The following ANKRD42 variants were observed in gnomAD, a reference collection of about 807,000 sequenced individuals.
The protein encoded by ANKRD42 is ankyrin repeat domain-containing protein 42.
ANKRD42 carries 43 observed loss-of-function variants against 51.5 expected under a neutral mutation model. The observed-to-expected ratio is 0.83, with a 90% CI of 0.65 to 1.08. The LOEUF (loss-of-function observed/expected upper bound fraction) is 1.08. ANKRD42 is among the 50% of genes least tolerant of loss of function. The pLI is 0.00. For missense variants in ANKRD42, 608 were observed against 629.3 expected, an observed-to-expected ratio of 0.97 and a Z score of 0.36; for synonymous variants, 203 against 213.0, an observed-to-expected ratio of 0.95 and a Z score of 0.41.
At chr11:83,250,719 G>T (rs747521310), downstream of ANKRD42, among the ~76,000 whole-genome samples, 1 of 152,028 alleles carries the variant, frequency 6.6e-6, no homozygotes, top group Non-Finnish European at 1.5e-5. Flanking sequence ...ATCAAGACCA[G>T]ATTCTCTCCC....
chr11:83,224,947 G>A lies in ANKRD42; in HGVS notation c.679G>A (p.Asp227Asn). The A allele has an allele frequency of 6.2e-7, 1 of 1,613,604 alleles. No individual in the cohort carries two copies. The highest frequency in any genetic ancestry group is 8.5e-7 in the Non-Finnish European group (1 of 1,179,616). ...GACGCAAGTTTTAAAAGCTTTCAAT[G>A]ATAATGGAGAAAATGTACTGGATTT... is the stretch of plus-strand genomic sequence containing the variant. ...SATQVLKAFN[D>N]NGENVLDLAQ... Residue 227 changes from aspartate (D) to asparagine (N), a missense_variant, in exon 6 of 11, where the codon GAT becomes AAT. By Grantham distance (23) the Asp-to-Asn change is conservative. Transcript: ENST00000533342.
rs532088725 is a variant in ANKRD42 at position 83,230,117 on chromosome 11, T to A, written c.913+2245T>A. Among the ~76,000 whole-genome samples the A allele has an allele frequency of 5.3e-4, 80 of 152,318 alleles. 1 individual carries two copies. The Middle Eastern group carries it at 0.01, about 19-fold the overall frequency. ...CCCAGGCTTGAATGCAATGGGGCGA[T>A]CACGACTAACTGCAGCCTTGACCTC... is the stretch of plus-strand genomic sequence containing the variant. On this transcript the variant is annotated intron_variant, in intron 7 of 10. Transcript: ENST00000533342.
At chr11:83,206,513 T>C (rs1022253729) in intron 3 of ANKRD42, among the ~76,000 whole-genome samples, 4 of 152,182 alleles carry the variant, frequency 2.6e-5, no homozygotes, top group Non-Finnish European at 4.4e-5. Context: ...TGTTAAGAGG[T>C]GAGGCCTTTT....
chr11:83,259,124 G>A (rs187002576), downstream of ANKRD42: 11 of 152,264 alleles, frequency 7.2e-5, no homozygotes, highest in South Asian at 8.3e-4. Context: ...TTCCACAGGC[G>A]TTTAACAAGT....
chr11:83,237,458 C>A (rs1214337716), intron 8 of ANKRD42, among the ~76,000 whole-genome samples: 4 of 152,166 alleles, frequency 2.6e-5, no homozygotes, highest in Non-Finnish European at 5.9e-5. Context: ...AGTTGTAAGA[C>A]AACACCTTAT....
intron 10 of ANKRD42, among the ~76,000 whole-genome samples, chr11:83,246,263 T>C (rs918534224): frequency 1.3e-5 from 2 of 152,220 alleles, no homozygotes; most frequent in South Asian, 2.1e-4. Context: ...ATAAATAATA[T>C]GCTACAACAA....
intron 7 of ANKRD42, among the ~76,000 whole-genome samples, chr11:83,231,719 C>T (rs970672518): frequency 6.6e-6 from 1 of 152,090 alleles, no homozygotes. Context: ...CATTTTGACT[C>T]GATTTTTGTA....
chr11:83,211,187 T>A (rs1862300908), intron 4 of ANKRD42, 108 bp from the exon 5 acceptor site: 2 of 1,408,628 alleles, frequency 1.4e-6, no homozygotes, highest in South Asian at 2.4e-5. Context: ...GTTTGCCTTC[T>A]TGTATTAAGA....
At chr11:83,214,121 C>A (rs1327850883) in intron 5 of ANKRD42, 1 of 152,196 alleles carries the variant, frequency 6.6e-6, no homozygotes, top group Non-Finnish European at 1.5e-5. Flanking sequence ...GAACTCCTGA[C>A]CTTGTGATCC....
At chr11:83,196,121 C>T (rs1298418202) in intron 1 of ANKRD42, among the ~76,000 whole-genome samples, 8 of 152,268 alleles carry the variant, frequency 5.3e-5, no homozygotes, top group African/African-American at 1.4e-4. Flanking sequence ...GGATTACAGG[C>T]GTGAGCCACC....
intron 5 of ANKRD42, chr11:83,214,481 A>T (rs1862452592): frequency 1.0e-6 from 1 of 979,002 alleles, no homozygotes; most frequent in African/African-American, 1.8e-5. Flanking sequence ...AACATGTATG[A>T]TTATTTTATT....
chr11:83,256,838 T>G (rs952879738), downstream of ANKRD42, among the ~76,000 whole-genome samples: 2 of 152,058 alleles, frequency 1.3e-5, no homozygotes, highest in African/African-American at 4.8e-5. Flanking sequence ...TGTAAACAAG[T>G]GTTAAAAAAT....
chr11:83,225,492 G>A (rs1862850457), intron 6 of ANKRD42, among the ~76,000 whole-genome samples: 1 of 151,174 alleles, frequency 6.6e-6, no homozygotes, highest in African/African-American at 2.4e-5. Flanking sequence ...TTGAGCCCAG[G>A]AAGTCAAGGC....
chr11:83,263,306 T>C (rs996787997), downstream of ANKRD42, among the ~76,000 whole-genome samples: 1 of 152,176 alleles, frequency 6.6e-6, no homozygotes, highest in Non-Finnish European at 1.5e-5. Flanking sequence ...GAGTATACAA[T>C]CGTTACTGCA....
intron 9 of ANKRD42, among the ~76,000 whole-genome samples, chr11:83,242,791 C>A (rs1443001460): frequency 6.6e-6 from 1 of 151,986 alleles, no homozygotes; most frequent in African/African-American, 2.4e-5. Flanking sequence ...TCTTGAACTC[C>A]TGACCTTGTG....
rs777859004 is a variant in ANKRD42, at chr11:83,198,512, A to G, written c.92A>G (p.His31Arg). The G allele has an allele frequency of 2.5e-6, 4 of 1,613,714 alleles. No homozygotes were observed. The East Asian group carries it at 6.7e-5, about 27-fold the overall frequency. The part of the protein sequence containing the change: ...SRKKVHFGSI[H>R]DAVRAGDVKQ... ...AAGAAGGTGCATTTTGGCAGCATAC[A>G]TGATGCAGTACGAGCTGGAGATGTA... Residue 31 changes from histidine (H) to arginine (R), a missense_variant, in exon 2 of 11, where the codon CAT (histidine) becomes CGT (arginine). His to Arg is a conservative substitution (Grantham distance 29). Coordinates refer to ENST00000533342, the MANE Select transcript of ANKRD42 (RefSeq NM_001300975.2).
Position 83,228,231 on chromosome 11 carries a change from CTTTTT to C in ANKRD42, c.913+393_913+397del, listed in dbSNP as rs11403803. 6.9e-3 allele frequency among the ~76,000 whole-genome samples: 409 copies of C among 59,014 alleles called. 70 individuals carry two copies. The highest frequency in any genetic ancestry group is 0.023 in the Middle Eastern group (2 of 86). The allele number at this position is 59,014 out of a possible 152,430, so 38.7% of individuals were successfully genotyped here. ...AAATAGAAATCATCCCTCTCTCTCTCTTTTTTTTTTTTTTTTTTTTTTTTTTTTTT... is the reference window on the plus strand; with the variant it reads ...AAATAGAAATCATCCCTCTCTCTCTCTTTTTTTTTTTTTTTTTTTTTTTTT... On this transcript the variant is annotated intron_variant, in intron 7 of 10. Transcript: ENST00000533342.
At chr11:83,225,504 A>ACAGTGAACCGTGATTGTACCTCTG (rs1158034206) in intron 6 of ANKRD42, among the ~76,000 whole-genome samples, 3 of 151,714 alleles carry the variant, frequency 2.0e-5, no homozygotes, top group Non-Finnish European at 2.9e-5. Context: ...AGTCAAGGCT[A>ACAGTGAACCGTGATTGTACCTCTG]CAGTGAACCG....
At chr11:83,260,643 A>ATGAT (rs563045122), downstream of ANKRD42, 22 of 152,346 alleles carry the variant, frequency 1.4e-4, no homozygotes, top group East Asian at 4.1e-3. Context: ...ATTTTGAATA[A>ATGAT]TGATTGTCAA....
Sources: gnomAD v4.1 joint callset for allele counts (sites outside exome capture counted in the v4.1 genomes callset) on GRCh38, gnomAD v4.1.1 for gene constraint, MANE v1.5 for transcripts, NCBI Gene and HGNC (gene_info 2026-07-23, HGNC 2026-07-21) for gene names.